Variants in DPP6 observed in about 807,000 individuals in gnomAD.
The protein encoded by DPP6 is A-type potassium channel modulatory protein DPP6.
A neutral mutation model predicts 122.6 loss-of-function variants in DPP6; 69 were observed. The ratio of observed to expected loss-of-function variants is 0.56; its 90% CI spans 0.46 to 0.69. The LOEUF (loss-of-function observed/expected upper bound fraction) is 0.69. DPP6 is among the 30% of genes least tolerant of loss of function. The pLI, the probability that DPP6 is intolerant of heterozygous loss-of-function variation, is 0.00. For synonymous variants in DPP6, 418 were observed against 433.1 expected (o/e 0.97, Z 0.43); for missense variants, 928 against 1,116.9 (o/e 0.83, Z 2.41).
chr7:154,535,646 C>T (rs1006816601), intron 3 of DPP6, among the ~76,000 whole-genome samples: 1 of 150,642 alleles, frequency 6.6e-6, no homozygotes, highest in Non-Finnish European at 1.5e-5. Context: ...CAGACAAAGA[C>T]TCATATCCAG....
intron 1 of DPP6, among the ~76,000 whole-genome samples, chr7:154,204,934 C>T (rs1210829652): frequency 6.6e-6 from 1 of 152,136 alleles, no homozygotes; most frequent in Non-Finnish European, 1.5e-5. Context: ...TCACTCTTTC[C>T]TGCACTGAAC....
upstream of DPP6, among the ~76,000 whole-genome samples, chr7:154,048,519 AT>A (rs1800135631): frequency 1.3e-5 from 1 of 78,548 alleles, no homozygotes; most frequent in African/African-American, 5.3e-5. Flanking sequence ...TGCATTTAGC[AT>A]TGTGTTTTCT....
In DPP6 at chr7:154,813,594, G is replaced by C. The variant is rs564156338; in HGVS notation, c.1666+6482G>C. 1.8e-3 allele frequency among the ~76,000 whole-genome samples: 268 copies of C among 152,164 alleles called. 4 individuals are homozygous for C. Among genetic ancestry groups the C allele is most frequent in the African/African-American group, 6.0e-3 (251 of 41,514 alleles). ...GGTTTCAGATGACCCCTGGATACTT[G>C]TGCGAGGGATCAGCTGTAAGCCAAA... is the stretch of plus-strand genomic sequence containing the variant. On this transcript the variant is annotated intron_variant, in intron 16 of 25. Transcript: ENST00000377770.
intron 12 of DPP6, among the ~76,000 whole-genome samples, chr7:154,798,658 G>C (rs928756999): frequency 6.6e-6 from 1 of 152,192 alleles, no homozygotes; most frequent in African/African-American, 2.4e-5. Flanking sequence ...GGGGCATCCC[G>C]CCCATGGCAG....
intron 1 of DPP6, among the ~76,000 whole-genome samples, chr7:153,901,886 C>T (rs1799652619): frequency 6.6e-6 from 1 of 152,160 alleles, no homozygotes; most frequent in African/African-American, 2.4e-5. Context: ...CCTTGAGCTC[C>T]TTAATATTAA....
intron 1 of DPP6, among the ~76,000 whole-genome samples, chr7:154,278,956 T>C (rs1485425890): frequency 6.6e-6 from 1 of 152,066 alleles, no homozygotes; most frequent in East Asian, 1.9e-4. Flanking sequence ...GTGGTATGTA[T>C]ATGGGCATGT....
At chr7:154,174,623 T>A (rs1231154574) in intron 1 of DPP6, among the ~76,000 whole-genome samples, 1 of 152,228 alleles carries the variant, frequency 6.6e-6, no homozygotes, top group Non-Finnish European at 1.5e-5. Context: ...GTTTAGAATT[T>A]TCTTTTTATC....
intron 16 of DPP6, among the ~76,000 whole-genome samples, chr7:154,848,734 C>T (rs1322103873): frequency 4.6e-5 from 7 of 152,190 alleles, no homozygotes; most frequent in Admixed American, 3.9e-4. Flanking sequence ...GAATCATTGC[C>T]CAGACCAATG....
At chr7:153,856,910 A>T in the DPP6 span, among the ~76,000 whole-genome samples, 1 of 152,180 alleles carries the variant, frequency 6.6e-6, no homozygotes, top group African/African-American at 2.4e-5. Flanking sequence ...CACTTAGCCT[A>T]AGACAAGTCA....
chr7:154,418,270 C>G (rs1424349937), intron 1 of DPP6, among the ~76,000 whole-genome samples: 1 of 152,236 alleles, frequency 6.6e-6, no homozygotes, highest in East Asian at 1.9e-4. Flanking sequence ...CTAGCTCTGG[C>G]TTTGGTAGCA....
chr7:154,869,562 G>A (rs1161381765), intron 18 of DPP6, among the ~76,000 whole-genome samples: 2 of 152,296 alleles, frequency 1.3e-5, no homozygotes, highest in South Asian at 2.1e-4. Flanking sequence ...GGGGTCTTAG[G>A]CAAGGGCAAG....
At chr7:154,709,152 C>T (rs1841008410) in intron 7 of DPP6, among the ~76,000 whole-genome samples, 2 of 152,180 alleles carry the variant, frequency 1.3e-5, no homozygotes, top group African/African-American at 4.8e-5. Context: ...TATACCTCTC[C>T]TACCAACACA....
In DPP6 at chr7:154,332,392, T is replaced by C. The variant is rs141601089; in HGVS notation, c.244-113822T>C. The stretch of plus-strand genomic sequence containing the variant: ...CGGCCATGGTTTTCAAACTTTAATG[T>C]GCATGGAAATTACTGGAAGTGTTTG... On this transcript the variant is annotated intron_variant, in intron 1 of 25. Coordinates refer to ENST00000377770, the MANE Select transcript of DPP6 (RefSeq NM_130797.4). Among the ~76,000 whole-genome samples the C allele has an allele frequency of 4.2e-3, 642 of 152,334 alleles. 8 individuals are homozygous for C. The highest frequency in any genetic ancestry group is 5.3e-3 in the Admixed American group (81 of 15,304).
intron 1 of DPP6, among the ~76,000 whole-genome samples, chr7:154,006,881 G>A (rs1797935628): frequency 6.6e-6 from 1 of 152,236 alleles, no homozygotes; most frequent in Non-Finnish European, 1.5e-5. Context: ...TTTGGCTCAG[G>A]TAAGAGTGGT....
intron 1 of DPP6, among the ~76,000 whole-genome samples, chr7:154,105,884 G>C (rs1806126385): frequency 6.6e-6 from 1 of 151,210 alleles, no homozygotes; most frequent in African/African-American, 2.5e-5. Flanking sequence ...AGCAGCATGA[G>C]AACAGACTGA....
At position 154,189,688 on chromosome 7, in the gene DPP6, T is replaced by G. The variant is rs1486407496; in HGVS notation, c.243+136625T>G. On this transcript the variant is annotated intron_variant, in intron 1 of 25. Coordinates refer to ENST00000377770, the MANE Select transcript of DPP6 (RefSeq NM_130797.4). ...TCATTAGCCAGTTCTCCCTTCCCTCTCATGCCGTGTCTCTGGGGTTGAGAC... is the reference window on the plus strand; with the variant it reads ...TCATTAGCCAGTTCTCCCTTCCCTCGCATGCCGTGTCTCTGGGGTTGAGAC... 2.0e-5 allele frequency among the ~76,000 whole-genome samples: 3 copies of G among 152,216 alleles called. No individual in the cohort carries two copies. The East Asian group carries it at 5.8e-4, about 29-fold the overall frequency.
chr7:154,074,770 C>A (rs2150516557), intron 1 of DPP6, among the ~76,000 whole-genome samples: 1 of 151,894 alleles, frequency 6.6e-6, no homozygotes, highest in East Asian at 1.9e-4. Flanking sequence ...GGATAAAGAC[C>A]CCGCTGAGAG....
intron 1 of DPP6, among the ~76,000 whole-genome samples, chr7:154,019,046 A>G (rs1798563714): frequency 6.6e-6 from 1 of 152,236 alleles, no homozygotes; most frequent in Non-Finnish European, 1.5e-5. Flanking sequence ...ACACAAATGA[A>G]TAATTTAAAC....
rs1227926280 is a variant in DPP6 at position 154,241,797 on chromosome 7, C to G, written c.243+188734C>G. Among the ~76,000 whole-genome samples, 1 of 152,130 alleles carries G rather than the reference C, an allele frequency of 6.6e-6. No individual in the cohort carries two copies. Among genetic ancestry groups the G allele is most frequent in the Non-Finnish European group, 1.5e-5 (1 of 68,028 alleles). ...GTCTGCCGACCGAAAAAGTTTATGTCAAAACTACAGAAAAGAGCCATTTCT... is the reference window on the plus strand; with the variant it reads ...GTCTGCCGACCGAAAAAGTTTATGTGAAAACTACAGAAAAGAGCCATTTCT... On this transcript the variant is annotated intron_variant, in intron 1 of 25. Coordinates refer to ENST00000377770, the MANE Select transcript of DPP6 (RefSeq NM_130797.4). The surrounding 1 kb of genome is among the most constrained non-coding windows in gnomAD (Gnocchi z 9.0).
Sources: allele counts gnomAD v4.1 joint callset (sites outside exome capture counted in the v4.1 genomes callset), GRCh38; gene constraint gnomAD v4.1.1; non-coding constraint Gnocchi (gnomAD v3.1); transcripts MANE v1.5; gene names NCBI Gene and HGNC (gene_info 2026-07-23, HGNC 2026-07-21).